SLC41A2: variants seen among roughly 807,000 people sequenced by gnomAD.
SLC41A2 encodes the protein solute carrier family 41 member 2, also known as SLC41A1-like 1.
SLC41A2 carries 32 observed loss-of-function variants against 58.3 expected under a neutral mutation model. That is an observed-to-expected ratio of 0.55 (90% CI 0.41 to 0.74). The LOEUF is 0.74. Among genes scored for constraint, SLC41A2 ranks in the 30% least tolerant of loss-of-function variants. SLC41A2 has a pLI of 0.00. For missense variants in SLC41A2, 514 were observed against 680.6 expected, an observed-to-expected ratio of 0.76 and a Z score of 2.72; for synonymous variants, 190 against 235.0, an observed-to-expected ratio of 0.81 and a Z score of 1.75.
intron 10 of SLC41A2, among the ~76,000 whole-genome samples, chr12:104,823,136 C>G (rs1392427974): frequency 6.6e-6 from 1 of 152,116 alleles, no homozygotes; most frequent in Non-Finnish European, 1.5e-5. Context: ...TGAGATAGAG[C>G]ATCACATAAG....
chr12:104,949,850 T>A (rs570816555), intron 1 of SLC41A2, among the ~76,000 whole-genome samples: 1 of 152,176 alleles, frequency 6.6e-6, no homozygotes, highest in African/African-American at 2.4e-5. Flanking sequence ...CCCAAAGTAC[T>A]GGGATTACAG....
chr12:104,912,958 G>A (rs1203627917), intron 2 of SLC41A2, among the ~76,000 whole-genome samples: 2 of 152,112 alleles, frequency 1.3e-5, no homozygotes, highest in African/African-American at 2.4e-5. Flanking sequence ...TGTGTTGGTT[G>A]TTGCAACATG....
chr12:104,853,911 A>ATTATTATTTTTTTTTTTT, intron 8 of SLC41A2, among the ~76,000 whole-genome samples: 708 of 59,370 alleles, frequency 0.012, 50 homozygotes, highest in Middle Eastern at 0.023. Context: ...TGCCTGGCTG[A>ATTATTATTTTTTTTTTTT]TTTTTTTTTT....
intron 10 of SLC41A2, among the ~76,000 whole-genome samples, chr12:104,825,894 T>G (rs1040021257): frequency 6.6e-6 from 1 of 152,106 alleles, no homozygotes; most frequent in Non-Finnish European, 1.5e-5. Context: ...ACAGGGAGAA[T>G]GGGAGGCATA....
rs141592564 is a variant in SLC41A2, at chr12:104,876,090, G to A, written c.1028-9511C>T. On this transcript the variant is annotated intron_variant, in intron 6 of 10. Coordinates refer to ENST00000258538, the MANE Select transcript of SLC41A2 (RefSeq NM_001352171.3). The stretch of plus-strand genomic sequence containing the variant: ...TTTGTTGGCTTAAAATTGTTCAATC[G>A]TCTCTAGTGATCTTTTTTATTTCTG... Among the ~76,000 whole-genome samples, 438 of 152,004 alleles carry A rather than the reference G, an allele frequency of 2.9e-3. 1 individual carries two copies. The highest frequency in any genetic ancestry group is 9.8e-3 in the African/African-American group (407 of 41,508).
At chr12:104,918,647 A>AAAAC (rs56051982) in intron 2 of SLC41A2, among the ~76,000 whole-genome samples, 2 of 150,436 alleles carry the variant, frequency 1.3e-5, no homozygotes, top group African/African-American at 4.9e-5. Flanking sequence ...AAAAAAAAAA[A>AAAAC]CTAAAAACAG....
intron 8 of SLC41A2, among the ~76,000 whole-genome samples, chr12:104,859,448 A>T (rs1167178162): frequency 6.6e-6 from 1 of 152,188 alleles, no homozygotes; most frequent in Non-Finnish European, 1.5e-5. Context: ...TTGTTATATA[A>T]ATAAATGATT....
chr12:104,803,386 C>A lies in SLC41A2; in HGVS notation c.*1766G>T. 1 of 151,866 alleles carries A rather than the reference C, an allele frequency of 6.6e-6. No individual in the cohort carries two copies. Among genetic ancestry groups the A allele is most frequent in the Admixed American group, 6.6e-5 (1 of 15,222 alleles). 9.4% of individuals were successfully genotyped at this position (151,866 alleles called of 1,614,324 possible). ...ATTCTATAATTAGTTCAGTTCTCTG[C>A]CTTAAAAGTTTTATTATAAGGCAGA... On this transcript the variant is annotated 3_prime_UTR_variant, in exon 11 of 11. Coordinates refer to ENST00000258538, the MANE Select transcript of SLC41A2 (RefSeq NM_001352171.3).
intron 6 of SLC41A2, among the ~76,000 whole-genome samples, chr12:104,872,888 T>C (rs577738931): frequency 6.6e-6 from 1 of 152,298 alleles, no homozygotes; most frequent in African/African-American, 2.4e-5. Flanking sequence ...CTTTTTTTGA[T>C]ACATACTTAA....
intron 1 of SLC41A2, among the ~76,000 whole-genome samples, chr12:104,943,745 T>A (rs2047603413): frequency 6.6e-6 from 1 of 152,168 alleles, no homozygotes; most frequent in African/African-American, 2.4e-5. Flanking sequence ...CTGGATTTCC[T>A]AGGCCAACTA....
At chr12:104,891,313 T>C (rs2044955887) in intron 4 of SLC41A2, among the ~76,000 whole-genome samples, 1 of 151,946 alleles carries the variant, frequency 6.6e-6, no homozygotes, top group Non-Finnish European at 1.5e-5. Context: ...GACTGACAGT[T>C]GCAGGGAGAG....
intron 10 of SLC41A2, among the ~76,000 whole-genome samples, chr12:104,827,979 A>C (rs1366009353): frequency 6.6e-6 from 1 of 152,160 alleles, no homozygotes; most frequent in Non-Finnish European, 1.5e-5. Context: ...GCCTGTGCCC[A>C]TGGACCTAGG....
At position 104,844,555 on chromosome 12, in the gene SLC41A2, A is replaced by G. The variant is rs1485331915; in HGVS notation, c.1453T>C (p.Tyr485His). The G allele has an allele frequency of 1.3e-6, 2 of 1,573,284 alleles. No homozygotes were observed. The highest frequency in any genetic ancestry group is 1.4e-5 in the African/African-American group (1 of 73,574). Residue 485 changes from tyrosine to histidine, a missense_variant, in exon 10 of 11, where the codon TAC (tyrosine) becomes CAC (histidine). Coordinates refer to ENST00000258538, the MANE Select transcript of SLC41A2 (RefSeq NM_001352171.3). The stretch of plus-strand genomic sequence containing the variant: ...CCACTTTTCATCAAATGAATAGTGT[A>G]GAGGAAAATTAAATGTCCAGGAATC... ...LVIPGHLIFL[Y>H]TIHLMKSGHT...
intron 4 of SLC41A2, among the ~76,000 whole-genome samples, chr12:104,890,213 C>T (rs2044884654): frequency 6.6e-6 from 1 of 152,116 alleles, no homozygotes; most frequent in Non-Finnish European, 1.5e-5. Flanking sequence ...TATAGTAAAT[C>T]AACAGAAGAG....
chr12:104,820,887 C>T (rs1352320900), intron 10 of SLC41A2, among the ~76,000 whole-genome samples: 7 of 152,152 alleles, frequency 4.6e-5, no homozygotes. Flanking sequence ...TCAGGTGATC[C>T]ACTCACCTCA....
chr12:104,865,608 ATGT>A (rs1196552513), intron 7 of SLC41A2, among the ~76,000 whole-genome samples: 1 of 151,972 alleles, frequency 6.6e-6, no homozygotes, highest in Non-Finnish European at 1.5e-5. Context: ...TATCTTCCTA[ATGT>A]TGTCTCTCAC....
intron 7 of SLC41A2, among the ~76,000 whole-genome samples, chr12:104,862,658 C>T (rs1395674676): frequency 2.6e-5 from 4 of 152,068 alleles, no homozygotes; most frequent in Non-Finnish European, 4.4e-5. Context: ...TATTTTGTTA[C>T]TTATTTAAAT....
intron 3 of SLC41A2, among the ~76,000 whole-genome samples, chr12:104,898,026 A>G (rs2045379502): frequency 6.6e-6 from 1 of 152,132 alleles, no homozygotes; most frequent in East Asian, 1.9e-4. Context: ...AGACAAACCA[A>G]GAGCTTAGAA....
chr12:104,817,058 T>C (rs1360505714), intron 10 of SLC41A2, among the ~76,000 whole-genome samples: 1 of 152,248 alleles, frequency 6.6e-6, no homozygotes, highest in Non-Finnish European at 1.5e-5. Context: ...CTAGATGGTA[T>C]GGTCTACCAC....
Sources: allele counts gnomAD v4.1 joint callset (sites outside exome capture counted in the v4.1 genomes callset), GRCh38; gene constraint gnomAD v4.1.1; transcripts MANE v1.5; gene names NCBI Gene and HGNC (gene_info 2026-07-23, HGNC 2026-07-21).